CCDC88A: variants seen among roughly 807,000 people sequenced by gnomAD.
CCDC88A encodes the protein coiled-coil and HOOK domain protein 88A.
CCDC88A carries 54 observed loss-of-function variants against 234.3 expected under a neutral mutation model. The ratio of observed to expected loss-of-function variants is 0.23; its 90% CI spans 0.19 to 0.29. CCDC88A has a LOEUF of 0.29. CCDC88A is among the 10% of genes least tolerant of loss of function. The probability of loss-of-function intolerance (pLI) is 1.00; values close to 1 mark genes in which losing one functional copy is unlikely to be tolerated. For missense variants in CCDC88A, 1,832 were observed against 2,123.4 expected, an observed-to-expected ratio of 0.86 and a Z score of 2.70; for synonymous variants, 753 against 737.8, an observed-to-expected ratio of 1.02 and a Z score of -0.33.
chr2:55,316,138 A>G (rs1682951235), intron 21 of CCDC88A, 24 bp from the exon 22 acceptor site: 1 of 1,023,990 alleles, frequency 9.8e-7, no homozygotes, highest in Non-Finnish European at 1.4e-6. Context: ...TCATAGAAAT[A>G]TAATTAGATT....
chr2:55,371,069 C>T (rs1256813151), intron 5 of CCDC88A, among the ~76,000 whole-genome samples: 1 of 152,076 alleles, frequency 6.6e-6, no homozygotes, highest in Non-Finnish European at 1.5e-5. Flanking sequence ...CAGCAATAAC[C>T]ACCAAGCAAT....
At chr2:55,412,819 A>C (rs1680708469) in intron 2 of CCDC88A, among the ~76,000 whole-genome samples, 1 of 152,230 alleles carries the variant, frequency 6.6e-6, no homozygotes, top group African/African-American at 2.4e-5. Context: ...TCTCATAACA[A>C]TCCTGTGACT....
At chr2:55,339,742 G>A in intron 12 of CCDC88A, 94 bp from the exon 13 acceptor site, 1 of 874,210 alleles carries the variant, frequency 1.1e-6, no homozygotes, top group Non-Finnish European at 1.7e-6. Flanking sequence ...TATATGCATT[G>A]CATCATCTGA....
chr2:55,410,713 G>C (rs1036939123), intron 2 of CCDC88A, among the ~76,000 whole-genome samples: 4 of 151,940 alleles, frequency 2.6e-5, no homozygotes, highest in Non-Finnish European at 5.9e-5. Flanking sequence ...GCAAAACTCT[G>C]CCTTTACAAA....
In CCDC88A at chr2:55,336,424, A is replaced by G. The variant is rs150937229; in HGVS notation, c.1656+257T>C. Among the ~76,000 whole-genome samples the G allele has an allele frequency of 1.6e-4, 24 of 152,186 alleles. 1 individual carries two copies. In the East Asian group the frequency reaches 4.6e-3, roughly 29 times the overall value. On this transcript the variant is annotated intron_variant, in intron 14 of 32. Coordinates refer to ENST00000436346, the MANE Select transcript of CCDC88A (RefSeq NM_001365480.1). Reference sequence around the variant, plus strand: ...GCAGCCCTATTCCACAGACACTTGAAAGCACAAGTACTGCAAATGCTTATA... The same window carrying G: ...GCAGCCCTATTCCACAGACACTTGAGAGCACAAGTACTGCAAATGCTTATA...
intron 17 of CCDC88A, chr2:55,324,255 T>C (rs928962730): frequency 4.6e-5 from 7 of 152,210 alleles, no homozygotes; most frequent in African/African-American, 1.7e-4. Flanking sequence ...GAGTTATAAT[T>C]TGCATGAAGT....
chr2:55,349,214 G>C (rs923950982), intron 9 of CCDC88A: 1 of 306,516 alleles, frequency 3.3e-6, no homozygotes, highest in Non-Finnish European at 5.9e-6. Context: ...ACAGTTTACA[G>C]TAGAGGTGTT....
In CCDC88A at chr2:55,419,168, T is replaced by C. The variant is rs377047172; in HGVS notation, c.-89A>G. The stretch of plus-strand genomic sequence containing the variant: ...AAACGTGGAAGTAAGTAGAAATCAA[T>C]GAAAGTCCATTTCGGCAAGGGAGAA... On this transcript the variant is annotated 5_prime_UTR_variant, in exon 1 of 33. Transcript: ENST00000436346. 4 of 795,026 alleles carry C rather than the reference T, an allele frequency of 5.0e-6. No homozygotes were observed. In the African/African-American group the frequency reaches 5.2e-5, roughly 10 times the overall value. 49.2% of individuals were successfully genotyped at this position (795,026 alleles called of 1,614,324 possible). A position where few individuals can be genotyped will look rare whatever the true frequency, so the allele number is the denominator to read the frequency against.
At chr2:55,363,902 C>T in intron 6 of CCDC88A, 48 bp downstream of exon 6, 1 of 1,010,486 alleles carries the variant, frequency 9.9e-7, no homozygotes, top group East Asian at 2.5e-5. Flanking sequence ...CAAATAAACA[C>T]ACCACAAGCT....
intron 18 of CCDC88A, among the ~76,000 whole-genome samples, chr2:55,319,659 A>C (rs1683382252): frequency 6.6e-6 from 1 of 152,166 alleles, no homozygotes; most frequent in Non-Finnish European, 1.5e-5. Flanking sequence ...ACAAAACATA[A>C]AATTTTCAGT....
At chr2:55,347,843 C>T (rs1282345264) in intron 9 of CCDC88A, among the ~76,000 whole-genome samples, 1 of 151,966 alleles carries the variant, frequency 6.6e-6, no homozygotes, top group East Asian at 1.9e-4. Context: ...AATTCCTGGC[C>T]TCAAGTGATC....
chr2:55,376,055 A>G (rs1673618414), intron 3 of CCDC88A, among the ~76,000 whole-genome samples: 1 of 152,104 alleles, frequency 6.6e-6, no homozygotes, highest in Admixed American at 6.6e-5. Flanking sequence ...GTGATTCAGA[A>G]AGAACTGAAT....
At chr2:55,308,317 C>T (rs1681896883) in intron 25 of CCDC88A, 1 of 153,370 alleles carries the variant, frequency 6.5e-6, no homozygotes, top group South Asian at 2.0e-4. Flanking sequence ...CATTGAATAA[C>T]ACCCCTTCAA....
At chr2:55,318,723 T>C in intron 19 of CCDC88A, 120 bp downstream of exon 19, 2 of 773,630 alleles carry the variant, frequency 2.6e-6, no homozygotes, top group South Asian at 4.0e-5. Flanking sequence ...TAAATAAAAA[T>C]ATTTTCATTT....
At chr2:55,413,209 AAAAC>A (rs892409527) in intron 2 of CCDC88A, among the ~76,000 whole-genome samples, 4 of 152,144 alleles carry the variant, frequency 2.6e-5, no homozygotes, top group East Asian at 1.9e-4. Context: ...TCCTGTCTCA[AAAAC>A]AAACAAACAA....
At chr2:55,384,530 T>TGTGTATATAC (rs1675154696) in intron 3 of CCDC88A, among the ~76,000 whole-genome samples, 1 of 73,420 alleles carries the variant, frequency 1.4e-5, no homozygotes, top group East Asian at 2.5e-4. Flanking sequence ...TATATATATA[T>TGTGTATATAC]ACATATATAC....
intron 2 of CCDC88A, among the ~76,000 whole-genome samples, chr2:55,402,786 G>A (rs1678929842): frequency 2.0e-5 from 3 of 151,002 alleles, no homozygotes; most frequent in South Asian, 4.2e-4. Context: ...AAGGCAGGCG[G>A]ATCACAAGGT....
At chr2:55,416,211 T>C (rs1681356959) in intron 2 of CCDC88A, among the ~76,000 whole-genome samples, 1 of 151,484 alleles carries the variant, frequency 6.6e-6, no homozygotes, top group African/African-American at 2.4e-5. Context: ...AAGATGAAGT[T>C]ATAATATCTG....
At chr2:55,295,055 C>T (rs1252460020) in intron 31 of CCDC88A, 27 of 1,272,518 alleles carry the variant, frequency 2.1e-5, no homozygotes, top group Non-Finnish European at 2.6e-5. Flanking sequence ...TTATATTGTG[C>T]AGTTTTGATC....
Sources: gnomAD v4.1 joint callset for allele counts (sites outside exome capture counted in the v4.1 genomes callset) on GRCh38, gnomAD v4.1.1 for gene constraint, MANE v1.5 for transcripts, NCBI Gene and HGNC (gene_info 2026-07-23, HGNC 2026-07-21) for gene names.